The following PCSK5 variants were observed in gnomAD, a reference collection of about 807,000 sequenced individuals.
The protein encoded by PCSK5 is proprotein convertase subtilisin/kexin type 5, also known as prohormone convertase 5.
PCSK5 carries 129 observed loss-of-function variants against 233.2 expected under a neutral mutation model. The ratio of observed to expected loss-of-function variants is 0.55; its 90% CI spans 0.48 to 0.64. PCSK5 has a LOEUF of 0.64. Ranked by LOEUF, PCSK5 falls within the 30% of genes least tolerant of loss-of-function variation. The pLI, the probability that PCSK5 is intolerant of heterozygous loss-of-function variation, is 0.00. For missense variants in PCSK5, 2,076 were observed against 2,430.1 expected (o/e 0.85, Z 3.06); for synonymous variants, 825 against 879.2 (o/e 0.94, Z 1.09).
intron 2 of PCSK5, among the ~76,000 whole-genome samples, chr9:75,951,365 G>A (rs540447874): frequency 1.3e-5 from 2 of 152,238 alleles, no homozygotes; most frequent in Non-Finnish European, 2.9e-5. Context: ...ACAGGGGCAG[G>A]GAATTATGAA....
chr9:75,994,418 T>C (rs1263214934), intron 3 of PCSK5, among the ~76,000 whole-genome samples: 1 of 25,430 alleles, frequency 3.9e-5, no homozygotes, highest in African/African-American at 1.3e-4. Flanking sequence ...TTTTTTTTTT[T>C]TTTTTTTTTT....
intron 3 of PCSK5, among the ~76,000 whole-genome samples, chr9:76,019,885 A>G (rs894359179): frequency 1.3e-5 from 2 of 152,216 alleles, no homozygotes; most frequent in Non-Finnish European, 2.9e-5. Flanking sequence ...TTTCCATTTT[A>G]TGTGTCCAGT....
chr9:76,170,432 C>T (rs1260538680), intron 13 of PCSK5, among the ~76,000 whole-genome samples: 1 of 152,224 alleles, frequency 6.6e-6, no homozygotes, highest in Admixed American at 6.5e-5. Flanking sequence ...TGTTTCTGCA[C>T]ACAGCCTATT....
intron 9 of PCSK5, among the ~76,000 whole-genome samples, chr9:76,126,411 C>T (rs920140549): frequency 6.6e-6 from 1 of 152,070 alleles, no homozygotes; most frequent in East Asian, 1.9e-4. Context: ...GTCAGGAGTT[C>T]GAGACCAGCC....
chr9:76,159,472 CCT>C (rs1822750078), intron 12 of PCSK5, among the ~76,000 whole-genome samples: 1 of 152,164 alleles, frequency 6.6e-6, no homozygotes, highest in African/African-American at 2.4e-5. Context: ...TCTGATATCC[CCT>C]CCCCCACCAT....
chr9:75,973,228 G>A (rs1825877256), intron 2 of PCSK5, among the ~76,000 whole-genome samples: 1 of 152,132 alleles, frequency 6.6e-6, no homozygotes, highest in Non-Finnish European at 1.5e-5. Context: ...CTACCCATTG[G>A]AAGTCAGAGT....
intron 10 of PCSK5, among the ~76,000 whole-genome samples, chr9:76,151,128 G>A (rs891953209): frequency 1.3e-5 from 2 of 152,070 alleles, no homozygotes; most frequent in African/African-American, 4.8e-5. Flanking sequence ...CATTTGGCCT[G>A]GTTTGATTAG....
chr9:76,234,561 C>T (rs1165301214), intron 22 of PCSK5, among the ~76,000 whole-genome samples: 3 of 152,182 alleles, frequency 2.0e-5, no homozygotes, highest in Non-Finnish European at 2.9e-5. Flanking sequence ...TAACACATTT[C>T]TGTATATAAA....
At chr9:76,285,645 A>C (rs539797479) in intron 24 of PCSK5, among the ~76,000 whole-genome samples, 1 of 151,802 alleles carries the variant, frequency 6.6e-6, no homozygotes, top group Admixed American at 6.6e-5. Flanking sequence ...CCCTAAAATT[A>C]CCCCCCCACC....
chr9:76,093,157 C>G (rs1831368435), intron 7 of PCSK5, among the ~76,000 whole-genome samples: 1 of 139,820 alleles, frequency 7.2e-6, no homozygotes, highest in African/African-American at 2.7e-5. Context: ...GGCAGTGAAG[C>G]AGTCGTAGCG....
At chr9:76,152,044 G>A (rs958882616) in intron 10 of PCSK5, among the ~76,000 whole-genome samples, 3 of 152,002 alleles carry the variant, frequency 2.0e-5, no homozygotes, top group Admixed American at 6.6e-5. Flanking sequence ...CTAATTTATC[G>A]GCCACGTTTC....
intron 27 of PCSK5, among the ~76,000 whole-genome samples, chr9:76,299,138 T>A (rs943349464): frequency 6.6e-6 from 1 of 152,182 alleles, no homozygotes; most frequent in Non-Finnish European, 1.5e-5. Context: ...CTTTGCCAAC[T>A]GCCAACAAAG....
chr9:76,314,842 T>A (rs1043061343), intron 30 of PCSK5, among the ~76,000 whole-genome samples: 1 of 151,854 alleles, frequency 6.6e-6, no homozygotes, highest in Admixed American at 6.6e-5. Flanking sequence ...GGTTTCACCG[T>A]GTTGGCCAGG....
intron 21 of PCSK5, among the ~76,000 whole-genome samples, chr9:76,230,906 T>A (rs888766605): frequency 6.6e-6 from 1 of 152,100 alleles, no homozygotes; most frequent in Admixed American, 6.6e-5. Flanking sequence ...TTTCATTATA[T>A]ATCACAATGT....
chr9:76,196,959 A>G (rs1384073567), intron 20 of PCSK5, among the ~76,000 whole-genome samples: 1 of 152,204 alleles, frequency 6.6e-6, no homozygotes, highest in Non-Finnish European at 1.5e-5. Context: ...TTAAGTTCAG[A>G]ACAGGCAGAG....
chr9:76,145,728 A>G (rs1361657554), intron 10 of PCSK5, among the ~76,000 whole-genome samples: 1 of 152,188 alleles, frequency 6.6e-6, no homozygotes, highest in African/African-American at 2.4e-5. Context: ...TTGAGGATCA[A>G]TAAGAGGGCC....
At chr9:76,258,015 C>T (rs1175050850) in intron 24 of PCSK5, among the ~76,000 whole-genome samples, 1 of 152,078 alleles carries the variant, frequency 6.6e-6, no homozygotes, top group Non-Finnish European at 1.5e-5. Flanking sequence ...GCAGGTAACC[C>T]AAGGATGTCT....
At chr9:76,151,015 A>G (rs532141247) in intron 10 of PCSK5, among the ~76,000 whole-genome samples, 2 of 151,870 alleles carry the variant, frequency 1.3e-5, no homozygotes, top group Non-Finnish European at 2.9e-5. Flanking sequence ...CATTAAAAAA[A>G]AAAAAAAACT....
intron 1 of PCSK5, among the ~76,000 whole-genome samples, chr9:75,899,353 T>C (rs1251473958): frequency 2.6e-5 from 4 of 152,330 alleles, no homozygotes; most frequent in Admixed American, 6.5e-5. Flanking sequence ...TTTATTGTCT[T>C]CCATAATTAC....
Sources: allele counts gnomAD v4.1 joint callset (sites outside exome capture counted in the v4.1 genomes callset), GRCh38; gene constraint gnomAD v4.1.1; transcripts MANE v1.5; gene names NCBI Gene and HGNC (gene_info 2026-07-23, HGNC 2026-07-21).